The following APCDD1L variants were observed in gnomAD, a reference collection of about 807,000 sequenced individuals.
APCDD1L encodes the protein APC down-regulated 1 like.
Under a neutral mutation model 24.2 loss-of-function variants are expected in APCDD1L, and 21 were observed. The observed-to-expected ratio is 0.87, with a 90% CI of 0.61 to 1.25. The LOEUF (loss-of-function observed/expected upper bound fraction) is 1.25. Among genes scored for constraint, APCDD1L ranks in the 50% most tolerant of loss-of-function variants. APCDD1L has a pLI of 0.00. For missense variants in APCDD1L, 704 were observed against 711.7 expected (o/e 0.99, Z 0.12); for synonymous variants, 321 against 323.6 (o/e 0.99, Z 0.09).
chr20:58,512,898 C>T (rs899216954), intron 1 of APCDD1L, among the ~76,000 whole-genome samples: 2 of 151,672 alleles, frequency 1.3e-5, no homozygotes, highest in African/African-American at 4.8e-5. Context: ...CTGCCCCCCT[C>T]TCTCGTCAGG....
chr20:58,498,010 C>T (rs982779974), intron 1 of APCDD1L, among the ~76,000 whole-genome samples: 4 of 151,990 alleles, frequency 2.6e-5, no homozygotes, highest in African/African-American at 7.3e-5. Context: ...AGGAGGGGTG[C>T]GGTGGTGGGC....
chr20:58,504,437 C>T (rs146117000), intron 1 of APCDD1L, among the ~76,000 whole-genome samples: 6 of 152,266 alleles, frequency 3.9e-5, no homozygotes, highest in East Asian at 1.9e-4. Flanking sequence ...GCAGTCTTCC[C>T]AGGCTTCTGC....
chr20:58,479,222 T>A (rs1434391714), intron 1 of APCDD1L, among the ~76,000 whole-genome samples: 2 of 152,232 alleles, frequency 1.3e-5, no homozygotes, highest in Non-Finnish European at 2.9e-5. Flanking sequence ...CTCCAAGTAC[T>A]ATATATTTCA....
chr20:58,495,726 C>A (rs148953977), intron 1 of APCDD1L, among the ~76,000 whole-genome samples: 2 of 152,142 alleles, frequency 1.3e-5, no homozygotes, highest in Non-Finnish European at 2.9e-5. Flanking sequence ...CACCGGGGGT[C>A]GCACACACAT....
Position 58,461,203 on chromosome 20 carries a change from G to A in APCDD1L, c.1093C>T (p.Gln365Ter). 6.2e-7 allele frequency: 1 copy of A among 1,613,612 alleles called. No individual in the cohort carries two copies. The change falls in exon 4 of 4, where the codon CAG (glutamine) becomes TAG (stop). Residue 365 changes from glutamine to a stop codon, truncating the protein, a stop_gained. Transcript: ENST00000371149. LOFTEE classifies it low-confidence loss of function (END_TRUNC). The surrounding 1 kb of genome is among the most constrained non-coding windows in gnomAD (Gnocchi z 6.0). ...VTRAHVTPMD[Q>*]VTTAMLNFSE... The stretch of plus-strand genomic sequence containing the variant: ...AAGTTGAGCATGGCCGTGGTGACCT[G>A]GTCCATGGGGGTCACATGGGCCCGT...
chr20:58,493,610 A>G (rs1306906090), intron 1 of APCDD1L, among the ~76,000 whole-genome samples: 2 of 152,236 alleles, frequency 1.3e-5, no homozygotes, highest in Non-Finnish European at 2.9e-5. Flanking sequence ...AGAAGAATAC[A>G]TACAGGGAGC....
chr20:58,498,925 TCCCACGTCTGTGGGTGGCTGGTTCCCC>T (rs1339663706), intron 1 of APCDD1L, among the ~76,000 whole-genome samples: 1 of 152,222 alleles, frequency 6.6e-6, no homozygotes, highest in East Asian at 1.9e-4. Context: ...CTCATCTCCA[TCCCACGTCTGTGGGTGGCTGGTTCCCC>T]CCTTGGCTGC....
intron 1 of APCDD1L, among the ~76,000 whole-genome samples, chr20:58,490,483 C>T (rs78990068): frequency 0.022 from 3,321 of 152,290 alleles, 51 homozygotes; most frequent in Non-Finnish European, 0.034. Flanking sequence ...GAGAACTTAA[C>T]GACACATGGA....
At chr20:58,493,704 A>G (rs1990266990) in intron 1 of APCDD1L, among the ~76,000 whole-genome samples, 1 of 152,226 alleles carries the variant, frequency 6.6e-6, no homozygotes, top group Non-Finnish European at 1.5e-5. Flanking sequence ...AAAAAAAACA[A>G]GGAAAAGATA....
At position 58,508,720 on chromosome 20, in the gene APCDD1L, CAGG is replaced by C. The variant is rs1990568985; in HGVS notation, c.49+5936_49+5938del. Among the ~76,000 whole-genome samples the C allele has an allele frequency of 5.9e-5, 9 of 152,326 alleles. No homozygotes were observed. Among genetic ancestry groups the C allele is most frequent in the African/African-American group, 2.2e-4 (9 of 41,568 alleles). ...CGATTACTGAGTACCTACTATGTGC[CAGG>C]CACTGTTCTAGGGACCCGGGAAAGA... On this transcript the variant is annotated intron_variant, in intron 1 of 3. Coordinates refer to ENST00000371149, the MANE Select transcript of APCDD1L (RefSeq NM_153360.3). The surrounding 1 kb of genome is among the most constrained non-coding windows in gnomAD (Gnocchi z 4.0).
At position 58,497,540 on chromosome 20, in the gene APCDD1L, G is replaced by A. The variant is rs931186591; in HGVS notation, c.49+17119C>T. ...TTGTTCCAGGCCTTTCTTGTGGCTTGTAGATGGCCATCTTCTCCCTGCGTC... is the reference window on the plus strand; with the variant it reads ...TTGTTCCAGGCCTTTCTTGTGGCTTATAGATGGCCATCTTCTCCCTGCGTC... On this transcript the variant is annotated intron_variant, in intron 1 of 3. Transcript: ENST00000371149. The surrounding 1 kb of genome is among the most constrained non-coding windows in gnomAD (Gnocchi z 4.3). 6.6e-6 allele frequency among the ~76,000 whole-genome samples: 1 copy of A among 152,050 alleles called. No individual in the cohort carries two copies. The highest frequency in any genetic ancestry group is 1.5e-5 in the Non-Finnish European group (1 of 67,952).
chr20:58,506,104 C>G (rs780334140), intron 1 of APCDD1L, among the ~76,000 whole-genome samples: 3 of 151,952 alleles, frequency 2.0e-5, no homozygotes, highest in Non-Finnish European at 4.4e-5. Flanking sequence ...GAAACAAACA[C>G]AAACTCCCCA....
rs1353438013 is a variant in APCDD1L at position 58,513,896 on chromosome 20, C to T, written c.49+763G>A. 3 of 1,304,094 alleles carry T rather than the reference C, an allele frequency of 2.3e-6. No homozygotes were observed. In the African/African-American group the frequency reaches 4.6e-5, roughly 20 times the overall value. The allele number at this position is 1,304,094 out of a possible 1,614,324, so 80.8% of individuals were successfully genotyped here. A position where few individuals can be genotyped will look rare whatever the true frequency, so the allele number is the denominator to read the frequency against. ...TAACTCCAGGGCCAGAATTCTCAGC[C>T]ATTCATAATGTGAGGGTGCTTGGGG... On this transcript the variant is annotated intron_variant, in intron 1 of 3. Transcript: ENST00000371149.
At chr20:58,498,528 G>A (rs1990367788) in intron 1 of APCDD1L, among the ~76,000 whole-genome samples, 1 of 152,248 alleles carries the variant, frequency 6.6e-6, no homozygotes, top group South Asian at 2.1e-4. Context: ...AGAAAGGCCA[G>A]GGGCTGCTGG....
rs1600871917 is a variant in APCDD1L, at chr20:58,497,396, A to G, written c.49+17263T>C. ...CAGACGCCTTGCATCGTGTCCACAG[A>G]TGGGGTGCTAAAACGAGAGGAATTT... On this transcript the variant is annotated intron_variant, in intron 1 of 3. Coordinates refer to ENST00000371149, the MANE Select transcript of APCDD1L (RefSeq NM_153360.3). This position sits in a 1 kb window ranked among gnomAD's most constrained non-coding sequence, Gnocchi z 4.3. Among the ~76,000 whole-genome samples the G allele has an allele frequency of 6.6e-6, 1 of 151,970 alleles. No individual in the cohort carries two copies. Among genetic ancestry groups the G allele is most frequent in the African/African-American group, 2.4e-5 (1 of 41,336 alleles).
chr20:58,507,100 G>A (rs373450929), intron 1 of APCDD1L, among the ~76,000 whole-genome samples: 16 of 152,128 alleles, frequency 1.1e-4, no homozygotes, highest in African/African-American at 2.7e-4. Context: ...ATTGAATCAC[G>A]GGGGCAGGTC....
At chr20:58,493,143 A>T (rs980971441) in intron 1 of APCDD1L, among the ~76,000 whole-genome samples, 2 of 152,274 alleles carry the variant, frequency 1.3e-5, no homozygotes, top group Non-Finnish European at 2.9e-5. Context: ...GCACTCACAC[A>T]CAATGCAAGC....
chr20:58,510,491 C>T lies in APCDD1L; in HGVS notation c.49+4168G>A, dbSNP rs1321263101. 2.0e-5 allele frequency among the ~76,000 whole-genome samples: 3 copies of T among 152,306 alleles called. No individual in the cohort carries two copies. The East Asian group carries it at 5.8e-4, about 29-fold the overall frequency. On this transcript the variant is annotated intron_variant, in intron 1 of 3. Coordinates refer to ENST00000371149, the MANE Select transcript of APCDD1L (RefSeq NM_153360.3). ...GGGATTCCAGGTGCCTGACACCACA[C>T]CCAGCTAATTTTTTATTTTTAGTGG...
At chr20:58,498,975 C>T (rs1168461812) in intron 1 of APCDD1L, among the ~76,000 whole-genome samples, 2 of 152,242 alleles carry the variant, frequency 1.3e-5, no homozygotes, top group Non-Finnish European at 2.9e-5. Context: ...AACCCTTTAA[C>T]TTCTCATTTC....
Sources: gnomAD v4.1 joint callset for allele counts (sites outside exome capture counted in the v4.1 genomes callset) on GRCh38, gnomAD v4.1.1 for gene constraint, Gnocchi (gnomAD v3.1) non-coding constraint, MANE v1.5 for transcripts, NCBI Gene and HGNC (gene_info 2026-07-23, HGNC 2026-07-21) for gene names.